The following BANP variants were observed in gnomAD, a reference collection of about 807,000 sequenced individuals.
The protein encoded by BANP is protein BANP.
Under a neutral mutation model 68.1 loss-of-function variants are expected in BANP, and 11 were observed. The observed-to-expected ratio is 0.16, with a 90% CI of 0.10 to 0.27. BANP has a LOEUF of 0.27. BANP is among the 10% of genes least tolerant of loss of function. The pLI is 1.00. For synonymous variants in BANP, 329 were observed against 303.2 expected (o/e 1.09, Z -0.88); for missense variants, 504 against 722.7 (o/e 0.70, Z 3.47).
Position 88,010,851 on chromosome 16 carries a change from A to G in BANP, c.655+4586A>G, listed in dbSNP as rs2072894713. ...GGAAAGGAGAACGTGTAGCCACGCT[A>G]TGCTGTGCCGATTCACACACCTCGC... is the stretch of plus-strand genomic sequence containing the variant. On this transcript the variant is annotated intron_variant, in intron 6 of 13. Transcript: ENST00000682872. 2.6e-5 allele frequency among the ~76,000 whole-genome samples: 4 copies of G among 151,262 alleles called. No homozygotes were observed. In the South Asian group the frequency reaches 8.4e-4, roughly 32 times the overall value.
At position 88,033,148 on chromosome 16, in the gene BANP, C is replaced by G. The variant is rs373284033; in HGVS notation, c.1103C>G (p.Pro368Arg). 2.9e-5 allele frequency: 46 copies of G among 1,609,544 alleles called. No homozygotes were observed. The highest frequency in any genetic ancestry group is 3.8e-5 in the Non-Finnish European group (45 of 1,176,846). Residue 368 changes from proline (P) to arginine (R), a missense_variant, in exon 9 of 14, where the codon CCG becomes CGG. Pro to Arg is a moderately radical substitution (Grantham distance 103, BLOSUM62 -2). This residue lies in a region of BANP where 223 missense variants were observed against 246.2 expected (regional missense o/e 0.91). Coordinates refer to ENST00000682872, the MANE Select transcript of BANP (RefSeq NM_001386991.1). Reference sequence around the variant, plus strand: ...ACCCCACCTCCTGCCAGCGAGCTCCCGCAGCCACAGCCGCAGCCGCAGGCC... The same window carrying G: ...ACCCCACCTCCTGCCAGCGAGCTCCGGCAGCCACAGCCGCAGCCGCAGGCC... Reference protein sequence around the residue: ...MSTPPPASELPQPQPQPQALH... With the variant: ...MSTPPPASELRQPQPQPQALH...
rs1598095899 is a variant in BANP, at chr16:87,984,097, G to A, written c.200G>A (p.Arg67Gln). The A allele has an allele frequency of 1.2e-6, 2 of 1,613,996 alleles. No homozygotes were observed. The highest frequency in any genetic ancestry group is 1.7e-6 in the Non-Finnish European group (2 of 1,179,964). The change falls in exon 4 of 14, where the codon CGG becomes CAG. Residue 67 changes from arginine (R) to glutamine (Q), a missense_variant. Around this residue, in one of 3 missense-constraint regions of BANP, gnomAD observed 238 missense variants for 278.9 expected, o/e 0.85. Transcript: ENST00000682872. ...LYSINQTICL[R>Q]LDSIEAKLQA... is the part of the protein sequence containing the mutation. ...TCCATCAACCAGACAATCTGCTTGC[G>A]GTTGGATAGCATTGAAGCCAAATTG... is the stretch of plus-strand genomic sequence containing the variant.
intron 2 of BANP, among the ~76,000 whole-genome samples, chr16:87,979,012 T>C (rs1420673924): frequency 6.6e-6 from 1 of 152,192 alleles, no homozygotes. Flanking sequence ...CAGTGGTCCT[T>C]GGCTTTGGAT....
At chr16:88,024,721 G>A (rs1598564571) in intron 7 of BANP, among the ~76,000 whole-genome samples, 1 of 152,258 alleles carries the variant, frequency 6.6e-6, no homozygotes, top group Non-Finnish European at 1.5e-5. Context: ...CTTTGTGGCC[G>A]GCAGGGGGCA....
intron 13 of BANP, among the ~76,000 whole-genome samples, chr16:88,076,346 G>GGGGGCGGGACGGGGCC (rs1567961010): frequency 6.6e-6 from 1 of 151,898 alleles, no homozygotes; most frequent in Non-Finnish European, 1.5e-5. Context: ...AGTCCATGTC[G>GGGGGCGGGACGGGGCC]GGGGCGGGCC....
chr16:87,968,070 GTT>G (rs1567607630), intron 1 of BANP, among the ~76,000 whole-genome samples: 1 of 141,314 alleles, frequency 7.1e-6, no homozygotes, highest in African/African-American at 2.8e-5. Context: ...GGTTCTACAG[GTT>G]TTTTTGCCTT....
intron 2 of BANP, among the ~76,000 whole-genome samples, chr16:87,975,952 C>G (rs1302877977): frequency 6.6e-6 from 1 of 150,756 alleles, no homozygotes; most frequent in African/African-American, 2.4e-5. Context: ...TGTGTGGTGT[C>G]ATGGAACCTT....
At chr16:87,995,173 C>G (rs11117346) in intron 4 of BANP, among the ~76,000 whole-genome samples, 98,572 of 152,170 alleles carry the variant, frequency 0.65, 32,513 homozygotes, top group African/African-American at 0.74. Context: ...TGTGTGCGCA[C>G]AATGGGCTTG....
At chr16:88,050,857 T>TC (rs1490312258) in intron 11 of BANP, among the ~76,000 whole-genome samples, 1 of 151,954 alleles carries the variant, frequency 6.6e-6, no homozygotes, top group African/African-American at 2.4e-5. Context: ...CCTGCTAATT[T>TC]TTTTATTTTT....
At chr16:88,062,032 T>C (rs2086959443) in intron 11 of BANP, among the ~76,000 whole-genome samples, 2 of 152,338 alleles carry the variant, frequency 1.3e-5, no homozygotes, top group South Asian at 4.1e-4. Flanking sequence ...GCACCTTGGT[T>C]ACAGTCTCAG....
At chr16:87,952,835 C>T (rs2057242262) in intron 1 of BANP, 1 of 152,154 alleles carries the variant, frequency 6.6e-6, no homozygotes, top group Admixed American at 6.5e-5. Flanking sequence ...AATGCAGTAT[C>T]GTGATCTTGG....
chr16:87,954,762 G>C (rs1470397609), intron 1 of BANP, among the ~76,000 whole-genome samples: 1 of 152,238 alleles, frequency 6.6e-6, no homozygotes, highest in African/African-American at 2.4e-5. Flanking sequence ...GCATCTGTCA[G>C]GAGTGTGTTC....
intron 1 of BANP, among the ~76,000 whole-genome samples, chr16:87,953,295 C>T (rs1478950506): frequency 2.0e-5 from 3 of 152,208 alleles, no homozygotes; most frequent in African/African-American, 7.2e-5. Flanking sequence ...CCTGCCCCAC[C>T]TCTCAGCCCC....
rs531287471 is a variant in BANP at position 88,005,813 on chromosome 16, A to G, written c.480-277A>G. On this transcript the variant is annotated intron_variant, in intron 5 of 13. Transcript: ENST00000682872. ...ATGACTACTGAACTCAGAAGGCAGC[A>G]TGCTAGGCCTGAGTCCCAGTGAGTA... is the stretch of plus-strand genomic sequence containing the variant. 2.0e-5 allele frequency among the ~76,000 whole-genome samples: 3 copies of G among 152,368 alleles called. No individual in the cohort carries two copies. The South Asian group carries it at 6.2e-4, about 32-fold the overall frequency.
At chr16:87,974,919 G>C (rs2061740359) in intron 1 of BANP, 129 bp from the exon 2 acceptor site, 1 of 573,992 alleles carries the variant, frequency 1.7e-6, no homozygotes, top group Admixed American at 3.0e-5. Flanking sequence ...GAGGCAAGAA[G>C]AACCCTGCAT....
At chr16:87,989,523 G>T (rs1249684779) in intron 4 of BANP, among the ~76,000 whole-genome samples, 15 of 152,210 alleles carry the variant, frequency 9.9e-5, no homozygotes, top group Admixed American at 9.2e-4. Flanking sequence ...GCAGAGCATG[G>T]AGTGTTGCCC....
chr16:88,038,209 A>G (rs999823743), intron 11 of BANP, among the ~76,000 whole-genome samples, 198 bp downstream of exon 11: 7 of 151,970 alleles, frequency 4.6e-5, no homozygotes, highest in African/African-American at 1.7e-4. Flanking sequence ...TGGGGCTCTC[A>G]TGGGAAGGGG....
chr16:88,012,453 G>C (rs1349342048), intron 6 of BANP, among the ~76,000 whole-genome samples: 1 of 152,230 alleles, frequency 6.6e-6, no homozygotes, highest in Non-Finnish European at 1.5e-5. Flanking sequence ...TTGACATGGA[G>C]TTGGTTGTGT....
At chr16:88,041,660 C>T (rs2080825037) in intron 11 of BANP, among the ~76,000 whole-genome samples, 2 of 146,970 alleles carry the variant, frequency 1.4e-5, no homozygotes, top group African/African-American at 5.1e-5. Flanking sequence ...CCTCGACCTC[C>T]TTTCCCTGTA....
Sources: allele counts gnomAD v4.1 joint callset (sites outside exome capture counted in the v4.1 genomes callset), GRCh38; gene constraint gnomAD v4.1.1; regional missense constraint gnomAD v4.1.1; transcripts MANE v1.5; gene names NCBI Gene and HGNC (gene_info 2026-07-23, HGNC 2026-07-21).